SMC6: variants seen among roughly 807,000 people sequenced by gnomAD.
SMC6 encodes structural maintenance of chromosomes 6.
Under a neutral mutation model 142.2 loss-of-function variants are expected in SMC6, and 79 were observed. The ratio of observed to expected loss-of-function variants is 0.56; its 90% CI spans 0.46 to 0.67. The LOEUF (loss-of-function observed/expected upper bound fraction) is 0.67. Ranked by LOEUF, SMC6 falls within the 30% of genes least tolerant of loss-of-function variation. The pLI is 0.00. For synonymous variants in SMC6, 411 were observed against 412.4 expected, an observed-to-expected ratio of 1.00 and a Z score of 0.04; for missense variants, 1,072 against 1,284.0, an observed-to-expected ratio of 0.83 and a Z score of 2.52.
chr2:17,701,879 G>A lies in SMC6; in HGVS notation c.2173C>T (p.Arg725Trp), dbSNP rs1433315814. The A allele has an allele frequency of 1.3e-5, 21 of 1,574,892 alleles. No individual in the cohort carries two copies. The highest frequency in any genetic ancestry group is 1.6e-5 in the Non-Finnish European group (19 of 1,157,250). ...TGTTCTTCTATGTTCTCAAGTTCCC[G>A]AATTTCAGAAATATTTTTTCTTATT... ...MKIRKNISEI[R>W]ELENIEEHQS... The change falls in exon 20 of 28, where the codon CGG becomes TGG. Residue 725 changes from arginine (R) to tryptophan (W), a missense_variant. Physicochemically the swap from Arg to Trp is moderately radical, Grantham distance 101. Transcript: ENST00000448223.
chr2:17,708,726 T>C lies in SMC6; in HGVS notation c.1758A>G (p.Thr586=). 1 of 1,543,256 alleles carries C rather than the reference T, an allele frequency of 6.5e-7. No individual in the cohort carries two copies. Among genetic ancestry groups the C allele is most frequent in the African/African-American group, 1.4e-5 (1 of 72,068 alleles). The change falls in exon 17 of 28, where the codon ACA becomes ACG. Residue 586 remains threonine, a synonymous_variant. Coordinates refer to ENST00000448223, the MANE Select transcript of SMC6 (RefSeq NM_001142286.2). ...HRAAYHPDFP[T]VLTALEIDNA... is the part of the protein sequence containing the mutation. ...TATCTATTTCTAAAGCTGTCAGAACTGTTGGAAAGTCTGGATGATAAGCAG... is the reference window on the plus strand; with the variant it reads ...TATCTATTTCTAAAGCTGTCAGAACCGTTGGAAAGTCTGGATGATAAGCAG...
intron 21 of SMC6, among the ~76,000 whole-genome samples, chr2:17,698,551 T>C (rs1472233060): frequency 1.3e-5 from 2 of 152,072 alleles, no homozygotes; most frequent in African/African-American, 2.4e-5. Context: ...TTGTTTTCCA[T>C]TGATTATTAT....
intron 23 of SMC6, among the ~76,000 whole-genome samples, chr2:17,691,358 G>C (rs62130875): frequency 1.2e-4 from 5 of 42,454 alleles, no homozygotes; most frequent in South Asian, 6.6e-4. Flanking sequence ...GTCTGTGTGT[G>C]TGTGTGTGTA....
rs762610105 is a variant in SMC6 at position 17,695,101 on chromosome 2, G to A, written c.2678+51C>T. 3.8e-6 allele frequency: 6 copies of A among 1,587,748 alleles called. No homozygotes were observed. In the African/African-American group the frequency reaches 5.4e-5, roughly 14 times the overall value. Reference sequence around the variant, plus strand: ...GTATATGTTTTTCATTTTTTGTCTTGATGATATGCATGAATAATGTGGTAA... The same window carrying A: ...GTATATGTTTTTCATTTTTTGTCTTAATGATATGCATGAATAATGTGGTAA... On this transcript the variant is annotated intron_variant, in intron 23 of 27. Transcript: ENST00000448223.
intron 23 of SMC6, among the ~76,000 whole-genome samples, chr2:17,694,709 C>G (rs1201290712): frequency 7.1e-6 from 1 of 140,092 alleles, no homozygotes; most frequent in Non-Finnish European, 1.6e-5. Context: ...GATACTCTTT[C>G]TTCAGAACCT....
In SMC6 at chr2:17,752,977, C is replaced by A. The variant is rs1285594512; in HGVS notation, c.-6+1G>T. The A allele has an allele frequency of 5.1e-6, 5 of 980,416 alleles. No homozygotes were observed. The highest frequency in any genetic ancestry group is 1.8e-5 in the African/African-American group (1 of 57,110). 60.7% of individuals were successfully genotyped at this position (980,416 alleles called of 1,614,324 possible). On this transcript the variant is annotated splice_donor_variant, in intron 2 of 27. Coordinates refer to ENST00000448223, the MANE Select transcript of SMC6 (RefSeq NM_001142286.2). LOFTEE classifies it low-confidence loss of function (5UTR_SPLICE). ...TGCTCTAAGAATTTTCACAGTATTACCTCAAACCCTATTGGTTCTACAACC... is the reference window on the plus strand; with the variant it reads ...TGCTCTAAGAATTTTCACAGTATTAACTCAAACCCTATTGGTTCTACAACC...
At chr2:17,719,484 G>A (rs1299326066) in intron 11 of SMC6, among the ~76,000 whole-genome samples, 1 of 152,076 alleles carries the variant, frequency 6.6e-6, no homozygotes, top group African/African-American at 2.4e-5. Context: ...ATGCTTAAAC[G>A]GAGAAAAAGG....
intron 2 of SMC6, among the ~76,000 whole-genome samples, chr2:17,750,421 A>C (rs1670967119): frequency 1.3e-5 from 2 of 152,212 alleles, no homozygotes; most frequent in African/African-American, 4.8e-5. Context: ...CAACATCTTT[A>C]TGAGATAAAT....
chr2:17,707,606 C>T lies in SMC6; in HGVS notation c.1846-227G>A, dbSNP rs138125883. On this transcript the variant is annotated intron_variant, in intron 17 of 27. Coordinates refer to ENST00000448223, the MANE Select transcript of SMC6 (RefSeq NM_001142286.2). The stretch of plus-strand genomic sequence containing the variant: ...TAAAACAGTTTAGTAAACAATGCTT[C>T]ATGACAAATTGGTGTATATTTATTT... Among the ~76,000 whole-genome samples the T allele has an allele frequency of 4.7e-3, 715 of 152,144 alleles. 8 individuals carry two copies. The highest frequency in any genetic ancestry group is 0.016 in the African/African-American group (671 of 41,538).
chr2:17,702,765 T>C (rs1378358225), intron 19 of SMC6, among the ~76,000 whole-genome samples: 1 of 152,154 alleles, frequency 6.6e-6, no homozygotes, highest in Non-Finnish European at 1.5e-5. Context: ...TTTCCCCTTT[T>C]GCTTGGCTCT....
At chr2:17,725,414 TGTTAAAA>T in intron 8 of SMC6, 56 bp from the exon 9 acceptor site, 11 of 1,239,914 alleles carry the variant, frequency 8.9e-6, no homozygotes, top group Non-Finnish European at 1.2e-5. Context: ...TCCATAGAAC[TGTTAAAA>T]AGAAAAAGAA....
chr2:17,695,240 C>A lies in SMC6; in HGVS notation c.2590G>T (p.Ala864Ser), dbSNP rs377206916. Residue 864 changes from alanine to serine, a missense_variant, in exon 23 of 28, where the codon GCA becomes TCA. Physicochemically the swap from Ala to Ser is moderately conservative, Grantham distance 99 (BLOSUM62 1). Around this residue, in one of 3 missense-constraint regions of SMC6, gnomAD observed 994 missense variants for 1,153.2 expected, o/e 0.86. Transcript: ENST00000448223. ...TTAATTTCTTTGTCCAGAATTGATG[C>A]AGATTTTTCTACTTCTATACGCTCT... Reference protein sequence around the residue: ...CPERIEVEKSASILDKEINRL... With the variant: ...CPERIEVEKSSSILDKEINRL... The A allele has an allele frequency of 6.2e-7, 1 of 1,613,430 alleles. No homozygotes were observed. The highest frequency in any genetic ancestry group is 1.1e-5 in the South Asian group (1 of 91,060).
intron 11 of SMC6, among the ~76,000 whole-genome samples, chr2:17,719,727 AG>A (rs1459385485): frequency 6.6e-6 from 1 of 152,220 alleles, no homozygotes; most frequent in Non-Finnish European, 1.5e-5. Flanking sequence ...AGAGGTGGAA[AG>A]GGTTGAAATT....
chr2:17,681,704 C>G (rs1055756877), intron 24 of SMC6: 4 of 152,150 alleles, frequency 2.6e-5, no homozygotes, highest in South Asian at 4.1e-4. Flanking sequence ...TATGGGCAGT[C>G]TGTGGCACCC....
chr2:17,710,890 G>A (rs1469808138), intron 16 of SMC6, among the ~76,000 whole-genome samples: 1 of 152,172 alleles, frequency 6.6e-6, no homozygotes, highest in African/African-American at 2.4e-5. Flanking sequence ...GCAGAGAAAA[G>A]TGACAGTAGC....
chr2:17,735,507 G>A (rs1029460351), intron 5 of SMC6, among the ~76,000 whole-genome samples: 2 of 152,174 alleles, frequency 1.3e-5, no homozygotes, highest in African/African-American at 4.8e-5. Context: ...CATAAAACAG[G>A]AGAATGAGTT....
Position 17,671,446 on chromosome 2 carries a change from C to A in SMC6, c.2911-871G>T, listed in dbSNP as rs191870977. 2.9e-3 allele frequency among the ~76,000 whole-genome samples: 436 copies of A among 150,418 alleles called. 2 individuals carry two copies. The highest frequency in any genetic ancestry group is 4.7e-3 in the Non-Finnish European group (314 of 67,478). On this transcript the variant is annotated intron_variant, in intron 25 of 27. Coordinates refer to ENST00000448223, the MANE Select transcript of SMC6 (RefSeq NM_001142286.2). ...AACCTCATCTCCACACACACACACA[C>A]AAAAATACAAAAACTAGCTGGCCAT...
rs1670702326 is a variant in SMC6 at position 17,745,514 on chromosome 2, G to A, written c.120+313C>T. ...AACTGTATTTCCTTACCCTTTGGAT[G>A]TCTGCAGGGTCTGTGGATAGCCCTT... On this transcript the variant is annotated intron_variant, in intron 3 of 27. Coordinates refer to ENST00000448223, the MANE Select transcript of SMC6 (RefSeq NM_001142286.2). 3.3e-5 allele frequency among the ~76,000 whole-genome samples: 5 copies of A among 152,146 alleles called. No individual in the cohort carries two copies. In the South Asian group the frequency reaches 1.0e-3, roughly 32 times the overall value.
intron 18 of SMC6, among the ~76,000 whole-genome samples, chr2:17,703,730 A>T (rs1473910982): frequency 2.0e-5 from 3 of 152,146 alleles, no homozygotes; most frequent in Middle Eastern, 3.2e-3. Context: ...TTATGATTTT[A>T]ACATACTCTT....
Sources: gnomAD v4.1 joint callset for allele counts (sites outside exome capture counted in the v4.1 genomes callset) on GRCh38, gnomAD v4.1.1 for gene constraint, gnomAD v4.1.1 regional missense constraint, MANE v1.5 for transcripts, NCBI Gene and HGNC (gene_info 2026-07-23, HGNC 2026-07-21) for gene names.